The following CTPS2 variants were observed in gnomAD, a reference collection of about 807,000 sequenced individuals.
CTPS2 encodes CTP synthase II.
A neutral mutation model predicts 46.8 loss-of-function variants in CTPS2; 19 were observed. That is an observed-to-expected ratio of 0.41 (90% CI 0.28 to 0.60). The LOEUF is 0.60. CTPS2 is among the 20% of genes least tolerant of loss of function. CTPS2 has a pLI of 0.35. For synonymous variants in CTPS2, 151 were observed against 165.2 expected (o/e 0.91, Z 0.66); for missense variants, 286 against 447.6 (o/e 0.64, Z 3.26).
Position 16,692,118 on chromosome X carries a change from T to C in CTPS2, c.640-498A>G, listed in dbSNP as rs925181525. 5.4e-5 allele frequency among the ~76,000 whole-genome samples: 6 copies of C among 111,690 alleles called. No homozygotes were observed. The South Asian group carries it at 2.2e-3, about 42-fold the overall frequency. ...TCTGACAGAGACTACTGGTGATGACTGGATCACCTGCTATAAGGACACATC... is the reference window on the plus strand; with the variant it reads ...TCTGACAGAGACTACTGGTGATGACCGGATCACCTGCTATAAGGACACATC... On this transcript the variant is annotated intron_variant, in intron 6 of 18. Transcript: ENST00000359276.
chrX:16,676,955 A>C (rs1922326221), intron 10 of CTPS2, among the ~76,000 whole-genome samples: 1 of 107,708 alleles, frequency 9.3e-6, no homozygotes, highest in South Asian at 4.3e-4. Flanking sequence ...GCTACTTGGG[A>C]GGCTGAGGCA....
intron 13 of CTPS2, chrX:16,651,032 A>G: frequency 8.3e-7 from 1 of 1,206,098 alleles, no homozygotes; most frequent in Non-Finnish European, 1.1e-6. Context: ...TCTCCTGAGG[A>G]ACTGAAGAGG....
chrX:16,700,061 T>C (rs998450033), intron 2 of CTPS2, among the ~76,000 whole-genome samples: 2 of 108,041 alleles, frequency 1.9e-5, no homozygotes, highest in Non-Finnish European at 3.8e-5. Flanking sequence ...GCTTCCCAAG[T>C]AGCTGGGATT....
chrX:16,665,902 C>A (rs1461737057), intron 13 of CTPS2, among the ~76,000 whole-genome samples: 1 of 111,127 alleles, frequency 9.0e-6, no homozygotes, highest in Non-Finnish European at 1.9e-5. Flanking sequence ...AAGCATGCAC[C>A]AGCACGCCCA....
At chrX:16,600,636 G>A (rs1371971254) in intron 17 of CTPS2, among the ~76,000 whole-genome samples, 1 of 111,322 alleles carries the variant, frequency 9.0e-6, no homozygotes, top group South Asian at 3.8e-4. Context: ...GCAGTGCACC[G>A]TGATCTGGTT....
chrX:16,626,297 G>A (rs1015346863), intron 14 of CTPS2, among the ~76,000 whole-genome samples: 4 of 111,130 alleles, frequency 3.6e-5, no homozygotes, highest in Admixed American at 1.9e-4. Context: ...CAGGAGAATC[G>A]CTTGAACCTG....
At chrX:16,622,608 G>A (rs945797798) in intron 14 of CTPS2, among the ~76,000 whole-genome samples, 1 of 110,633 alleles carries the variant, frequency 9.0e-6, no homozygotes, top group African/African-American at 3.3e-5. Flanking sequence ...AACATTTCTC[G>A]AGATGATGGG....
chrX:16,622,424 A>G (rs987976066), intron 14 of CTPS2, among the ~76,000 whole-genome samples: 11 of 109,456 alleles, frequency 1.0e-4, no homozygotes, highest in Non-Finnish European at 1.7e-4. Context: ...AAAAAAAAAG[A>G]AAGAAAAAGA....
chrX:16,666,326 G>A (rs925614090), intron 13 of CTPS2, among the ~76,000 whole-genome samples: 3 of 111,738 alleles, frequency 2.7e-5, no homozygotes, highest in Admixed American at 9.5e-5. Flanking sequence ...GGTTTCCTCA[G>A]ATGAATAGGA....
At chrX:16,676,242 C>T (rs778986311) in intron 10 of CTPS2, among the ~76,000 whole-genome samples, 3 of 111,968 alleles carry the variant, frequency 2.7e-5, no homozygotes, top group East Asian at 5.6e-4. Context: ...AATTGTAAAG[C>T]CAATACAAGC....
At chrX:16,632,690 C>A (rs1031799178) in intron 14 of CTPS2, among the ~76,000 whole-genome samples, 2 of 111,663 alleles carry the variant, frequency 1.8e-5, no homozygotes, top group African/African-American at 6.5e-5. Flanking sequence ...TCCCAAAGTG[C>A]TGGGATTACA....
intron 14 of CTPS2, among the ~76,000 whole-genome samples, chrX:16,636,946 C>T (rs915873752): frequency 1.5e-4 from 17 of 111,468 alleles, no homozygotes; most frequent in African/African-American, 5.2e-4. Context: ...AAAATAAAAT[C>T]AGTGAATTGT....
intron 1 of CTPS2, among the ~76,000 whole-genome samples, chrX:16,711,299 G>A (rs1384183625): frequency 9.0e-6 from 1 of 111,617 alleles, no homozygotes; most frequent in Non-Finnish European, 1.9e-5. Context: ...CATCTTTTTT[G>A]TGTACTAAGC....
intron 7 of CTPS2, among the ~76,000 whole-genome samples, chrX:16,690,049 C>A (rs1463251616): frequency 8.1e-5 from 8 of 99,176 alleles, no homozygotes; most frequent in Non-Finnish European, 1.4e-4. Context: ...AAGACTGTAT[C>A]TCAAAAAAAA....
intron 14 of CTPS2, chrX:16,638,716 C>T (rs949715722): frequency 6.9e-6 from 2 of 289,589 alleles, no homozygotes; most frequent in Non-Finnish European, 1.4e-5. Context: ...CCCTCCTACT[C>T]GGAAGTTCAT....
intron 14 of CTPS2, among the ~76,000 whole-genome samples, chrX:16,622,066 A>T (rs1930869583): frequency 9.0e-6 from 1 of 111,347 alleles, no homozygotes; most frequent in Admixed American, 9.6e-5. Context: ...AAATTAAAAT[A>T]AAAATGGGAA....
At chrX:16,707,865 T>C (rs6632866) in intron 1 of CTPS2, among the ~76,000 whole-genome samples, 59,841 of 109,033 alleles carry the variant, frequency 0.55, 13,447 homozygotes, top group African/African-American at 0.85. Context: ...CCCAGCTACA[T>C]GAGCTGCATG....
chrX:16,642,375 G>A (rs1261062227), intron 13 of CTPS2, among the ~76,000 whole-genome samples: 12 of 111,771 alleles, frequency 1.1e-4, no homozygotes, highest in Admixed American at 9.6e-5. Context: ...ACCAAATGTT[G>A]CCCTGAACAT....
At chrX:16,663,303 G>A (rs1053507561) in intron 13 of CTPS2, among the ~76,000 whole-genome samples, 2 of 110,949 alleles carry the variant, frequency 1.8e-5, no homozygotes, top group East Asian at 5.7e-4. Flanking sequence ...ATGCCACCAT[G>A]CCCAGGTAAT....
Sources: allele counts gnomAD v4.1 joint callset (sites outside exome capture counted in the v4.1 genomes callset), GRCh38; gene constraint gnomAD v4.1.1; transcripts MANE v1.5; gene names NCBI Gene and HGNC (gene_info 2026-07-23, HGNC 2026-07-21).